The following MRPS21 variants were observed in gnomAD, a reference collection of about 807,000 sequenced individuals.
MRPS21 encodes the protein small ribosomal subunit protein bS21m.
In MRPS21, 8 loss-of-function variants were observed where a neutral mutation model predicts 9.9. The ratio of observed to expected loss-of-function variants is 0.81; its 90% CI spans 0.47 to 1.45. The LOEUF is 1.45. Among genes scored for constraint, MRPS21 ranks in the 40% most tolerant of loss-of-function variants. The pLI is 0.00. For synonymous variants in MRPS21, 40 were observed against 40.3 expected, an observed-to-expected ratio of 0.99 and a Z score of 0.03; for missense variants, 101 against 118.9, an observed-to-expected ratio of 0.85 and a Z score of 0.70.
At chr1:150,305,951 A>T (rs1218668718) in intron 2 of MRPS21, among the ~76,000 whole-genome samples, 2 of 152,094 alleles carry the variant, frequency 1.3e-5, no homozygotes, top group Admixed American at 1.3e-4. Context: ...AAACTGAAAA[A>T]CCTGCTCATG....
At chr1:150,306,388 G>T (rs140505471) in intron 2 of MRPS21, among the ~76,000 whole-genome samples, 2,350 of 151,456 alleles carry the variant, frequency 0.016, 66 homozygotes, top group African/African-American at 0.052. Context: ...GGATTCTCCT[G>T]CCTCAGCCTA....
chr1:150,302,735 C>G (rs1366726127), intron 2 of MRPS21, among the ~76,000 whole-genome samples: 2 of 152,140 alleles, frequency 1.3e-5, no homozygotes, highest in Non-Finnish European at 2.9e-5. Context: ...ATTAGTAACA[C>G]CCCCTCTATT....
intron 1 of MRPS21, 182 bp downstream of exon 1, chr1:150,294,080 T>C: frequency 2.7e-6 from 1 of 367,368 alleles, no homozygotes; most frequent in South Asian, 2.5e-5. Flanking sequence ...CTCGTGTCCT[T>C]CTCATGCCCG....
intron 2 of MRPS21, among the ~76,000 whole-genome samples, chr1:150,305,913 ATCTG>A (rs1654314941): frequency 6.6e-6 from 1 of 152,156 alleles, no homozygotes; most frequent in African/African-American, 2.4e-5. Context: ...TAGTTCCAAA[ATCTG>A]TCTGTACATT....
intron 2 of MRPS21, among the ~76,000 whole-genome samples, chr1:150,298,003 G>A (rs1169754311): frequency 6.6e-6 from 1 of 151,120 alleles, no homozygotes; most frequent in Non-Finnish European, 1.5e-5. Context: ...GTGCCATCTC[G>A]GCTCACCGCA....
At chr1:150,302,821 C>T (rs1384156516) in intron 2 of MRPS21, among the ~76,000 whole-genome samples, 1 of 152,154 alleles carries the variant, frequency 6.6e-6, no homozygotes, top group Non-Finnish European at 1.5e-5. Context: ...ACTATAGGGA[C>T]TCTGGGGCAT....
intron 2 of MRPS21, among the ~76,000 whole-genome samples, chr1:150,306,286 GT>G (rs1553858505): frequency 7.5e-6 from 1 of 132,514 alleles, no homozygotes; most frequent in African/African-American, 3.1e-5. Context: ...GTTTGTTTTT[GT>G]TTTGTTTTTC....
chr1:150,307,348 C>CATT (rs1654376892), intron 2 of MRPS21, among the ~76,000 whole-genome samples: 197 of 87,492 alleles, frequency 2.3e-3, no homozygotes, highest in South Asian at 7.5e-3. Flanking sequence ...GTGCCCAGTC[C>CATT]TTTTTTTTTT....
chr1:150,297,019 C>T (rs868930519), intron 2 of MRPS21, among the ~76,000 whole-genome samples: 13 of 152,032 alleles, frequency 8.6e-5, no homozygotes, highest in Non-Finnish European at 1.6e-4. Flanking sequence ...CAGCCGGGCG[C>T]GGTGGCTCAC....
chr1:150,304,970 C>A, intron 2 of MRPS21: 1 of 353,348 alleles, frequency 2.8e-6, no homozygotes, highest in African/African-American at 2.2e-5. Context: ...ACCCAGAAGG[C>A]GGAGGTTGCA....
chr1:150,297,884 T>G (rs1653973686), intron 2 of MRPS21, among the ~76,000 whole-genome samples: 1 of 152,130 alleles, frequency 6.6e-6, no homozygotes, highest in African/African-American at 2.4e-5. Flanking sequence ...AAGTATATTA[T>G]GTCTAATGAC....
At chr1:150,301,212 A>G (rs1044753163) in intron 2 of MRPS21, 81 of 164,046 alleles carry the variant, frequency 4.9e-4, no homozygotes, top group Admixed American at 1.4e-3. Context: ...GCGGGCGCCT[A>G]TAGTCCCAGC....
At chr1:150,303,679 G>T (rs1654222847) in intron 2 of MRPS21, among the ~76,000 whole-genome samples, 4 of 152,182 alleles carry the variant, frequency 2.6e-5, no homozygotes, top group Admixed American at 2.6e-4. Context: ...TCTATAAAAA[G>T]AGGACATTAT....
intron 2 of MRPS21, 59 bp downstream of exon 2, chr1:150,294,508 T>C: frequency 7.1e-7 from 1 of 1,400,706 alleles, no homozygotes; most frequent in Non-Finnish European, 1.0e-6. Flanking sequence ...GTGGTTATTC[T>C]CTCCCTTCCC....
intron 2 of MRPS21, among the ~76,000 whole-genome samples, chr1:150,299,791 C>G (rs1454346975): frequency 6.6e-6 from 1 of 152,106 alleles, no homozygotes; most frequent in Non-Finnish European, 1.5e-5. Context: ...TTGTTGGTGA[C>G]TGGCATTTTA....
At chr1:150,298,601 A>G (rs587617299) in intron 2 of MRPS21, among the ~76,000 whole-genome samples, 25 of 151,484 alleles carry the variant, frequency 1.7e-4, no homozygotes, top group African/African-American at 6.0e-4. Flanking sequence ...AGTATTATTT[A>G]TTGAACCACT....
intron 2 of MRPS21, among the ~76,000 whole-genome samples, chr1:150,305,488 TTC>T (rs1654295611): frequency 6.6e-6 from 1 of 152,162 alleles, no homozygotes; most frequent in Non-Finnish European, 1.5e-5. Context: ...AAGAATGATA[TTC>T]CAAGTAAAGG....
chr1:150,296,580 T>TA (rs1233274134), intron 2 of MRPS21, among the ~76,000 whole-genome samples: 5 of 152,096 alleles, frequency 3.3e-5, no homozygotes, highest in Middle Eastern at 3.4e-3. Context: ...CCATGTCTCT[T>TA]AAAAAAAATG....
Position 150,308,524 on chromosome 1 carries a change from G to A in MRPS21, c.*296G>A. ...TAATGGGTACAGAGTTTCAGTTTGG[G>A]CAGATGAAAAAGTTCAGGAGACGAT... On this transcript the variant is annotated 3_prime_UTR_variant, in exon 3 of 3. Transcript: ENST00000614145. 1 of 217,128 alleles carries A rather than the reference G, an allele frequency of 4.6e-6. No homozygotes were observed. The highest frequency in any genetic ancestry group is 9.2e-6 in the Non-Finnish European group (1 of 109,030). The allele number at this position is 217,128 out of a possible 1,614,324, so 13.5% of individuals were successfully genotyped here.
Sources: gnomAD v4.1 joint callset for allele counts (sites outside exome capture counted in the v4.1 genomes callset) on GRCh38, gnomAD v4.1.1 for gene constraint, MANE v1.5 for transcripts, NCBI Gene and HGNC (gene_info 2026-07-23, HGNC 2026-07-21) for gene names.